The following JAK2 variants were observed in gnomAD, a reference collection of about 807,000 sequenced individuals.
JAK2 encodes the protein tyrosine-protein kinase JAK2.
In JAK2, 86 loss-of-function variants were observed where a neutral mutation model predicts 139.3. The ratio of observed to expected loss-of-function variants is 0.62; its 90% confidence interval spans 0.52 to 0.74. The LOEUF (loss-of-function observed/expected upper bound fraction) is 0.74, where lower values mean the gene tolerates loss of function less well. JAK2 is among the 30% of genes least tolerant of loss of function. The pLI, the probability that JAK2 is intolerant of heterozygous loss-of-function variation, is 0.00. For missense variants in JAK2, 1,421 were observed against 1,360.3 expected (o/e 1.04, Z -0.70); for synonymous variants, 490 against 437.7 (o/e 1.12, Z -1.49).
intron 2 of JAK2, among the ~76,000 whole-genome samples, chr9:5,006,964 T>C (rs971542777): frequency 2.0e-5 from 3 of 152,232 alleles, no homozygotes; most frequent in Non-Finnish European, 2.9e-5. Context: ...TTGTAAGCTC[T>C]GGTAATAATG....
chr9:4,991,056 C>T (rs765913818), intron 2 of JAK2, among the ~76,000 whole-genome samples: 17 of 152,086 alleles, frequency 1.1e-4, no homozygotes, highest in South Asian at 2.1e-4. Context: ...TTAGACAAGC[C>T]ATCTCTGGGT....
Position 5,077,946 on chromosome 9 carries a change from G to A in JAK2, c.1993-360G>A, listed in dbSNP as rs1586748571. Among the ~76,000 whole-genome samples, 3 of 152,046 alleles carry A rather than the reference G, an allele frequency of 2.0e-5. No individual in the cohort carries two copies. The South Asian group carries it at 6.2e-4, about 32-fold the overall frequency. Reference sequence around the variant, plus strand: ...GTGTTGACAGAGAAGAATACCAGGGGGACTGCCAGTCATCAGACCCCTCAG... The same window carrying A: ...GTGTTGACAGAGAAGAATACCAGGGAGACTGCCAGTCATCAGACCCCTCAG... On this transcript the variant is annotated intron_variant, in intron 15 of 24. Coordinates refer to ENST00000381652, the MANE Select transcript of JAK2 (RefSeq NM_004972.4).
intron 4 of JAK2, among the ~76,000 whole-genome samples, chr9:5,032,685 C>A (rs556234952): frequency 1.3e-5 from 2 of 152,284 alleles, no homozygotes; most frequent in African/African-American, 2.4e-5. Flanking sequence ...AGCAGAGGGT[C>A]CTGACTGTCA....
intron 2 of JAK2, among the ~76,000 whole-genome samples, chr9:4,987,173 GA>G (rs1414463107): frequency 6.6e-6 from 1 of 152,210 alleles, no homozygotes; most frequent in Non-Finnish European, 1.5e-5. Context: ...TTGCTGGCCA[GA>G]AGAGCACACC....
intron 2 of JAK2, among the ~76,000 whole-genome samples, chr9:5,008,827 C>T (rs370452919): frequency 1.3e-5 from 2 of 152,242 alleles, no homozygotes; most frequent in African/African-American, 4.8e-5. Context: ...TTCATTCGTC[C>T]TCCATCTAGA....
chr9:5,095,621 G>C (rs1464081912), intron 22 of JAK2, among the ~76,000 whole-genome samples: 1 of 152,152 alleles, frequency 6.6e-6, no homozygotes, highest in South Asian at 2.1e-4. Context: ...CTCCTCACAT[G>C]ACAAAAACTA....
chr9:5,034,088 A>G lies in JAK2; in HGVS notation c.350+4182A>G, dbSNP rs1165713670. Among the ~76,000 whole-genome samples the G allele has an allele frequency of 2.6e-5, 4 of 152,238 alleles. No homozygotes were observed. The East Asian group carries it at 7.7e-4, about 29-fold the overall frequency. Reference sequence around the variant, plus strand: ...AAAACAAAAAAAGGCAGGGATTGCAATCCTAGTCTCGGATAAAACAGACTT... The same window carrying G: ...AAAACAAAAAAAGGCAGGGATTGCAGTCCTAGTCTCGGATAAAACAGACTT... On this transcript the variant is annotated intron_variant, in intron 4 of 24. Coordinates refer to ENST00000381652, the MANE Select transcript of JAK2 (RefSeq NM_004972.4).
At chr9:5,108,693 G>C (rs181059112) in intron 22 of JAK2, 3 of 151,864 alleles carry the variant, frequency 2.0e-5, no homozygotes, top group Admixed American at 1.3e-4. Context: ...AGAATATATA[G>C]CCTACCCCTT....
chr9:5,046,352 C>T (rs1263826427), intron 5 of JAK2, among the ~76,000 whole-genome samples: 1 of 152,076 alleles, frequency 6.6e-6, no homozygotes, highest in Non-Finnish European at 1.5e-5. Context: ...TTCCCATTCT[C>T]TAGGTTGCCT....
intron 22 of JAK2, chr9:5,108,758 C>T (rs1210280261): frequency 6.6e-6 from 1 of 151,982 alleles, no homozygotes; most frequent in Non-Finnish European, 1.5e-5. Flanking sequence ...GTCTACAAAC[C>T]GATGTAAAAT....
intron 2 of JAK2, among the ~76,000 whole-genome samples, chr9:4,999,333 T>C (rs1038336704): frequency 2.0e-5 from 3 of 152,238 alleles, no homozygotes; most frequent in Non-Finnish European, 4.4e-5. Flanking sequence ...CTTATTTGCA[T>C]GTATTTTATA....
chr9:5,037,151 A>T (rs1176740144), intron 4 of JAK2, among the ~76,000 whole-genome samples: 2 of 152,220 alleles, frequency 1.3e-5, no homozygotes, highest in African/African-American at 4.8e-5. Flanking sequence ...TCAAAACCAC[A>T]AAGAGATACC....
chr9:5,055,076 A>AT (rs985946896), intron 7 of JAK2, among the ~76,000 whole-genome samples, 192 bp downstream of exon 7: 66 of 152,014 alleles, frequency 4.3e-4, no homozygotes, highest in African/African-American at 1.5e-3. Flanking sequence ...TTTTCATTTA[A>AT]TTTTTTATGA....
intron 4 of JAK2, chr9:5,041,073 T>A: frequency 2.9e-6 from 2 of 690,754 alleles, no homozygotes; most frequent in Non-Finnish European, 5.2e-6. Flanking sequence ...CCCTCAGGTC[T>A]ACTACCTACT....
intron 8 of JAK2, among the ~76,000 whole-genome samples, chr9:5,058,226 C>T (rs575851290): frequency 7.2e-5 from 11 of 152,164 alleles, no homozygotes; most frequent in Non-Finnish European, 2.9e-5. Context: ...CGTTCTCACA[C>T]TGCTATAAAG....
intron 22 of JAK2, among the ~76,000 whole-genome samples, chr9:5,103,660 C>G (rs1163429388): frequency 6.6e-6 from 1 of 151,962 alleles, no homozygotes; most frequent in African/African-American, 2.4e-5. Context: ...AAATAGACCA[C>G]ATAGAAGTAA....
chr9:5,031,131 G>C (rs533412404), intron 4 of JAK2, among the ~76,000 whole-genome samples: 1 of 152,246 alleles, frequency 6.6e-6, no homozygotes, highest in South Asian at 2.1e-4. Context: ...ATATTACAAA[G>C]ATCAATTTCT....
At chr9:5,052,465 C>T (rs1436081364) in intron 6 of JAK2, among the ~76,000 whole-genome samples, 1 of 151,438 alleles carries the variant, frequency 6.6e-6, no homozygotes, top group East Asian at 1.9e-4. Flanking sequence ...ATATAAGATT[C>T]CATGATATTT....
At chr9:5,111,654 T>C in intron 22 of JAK2, 1 of 394,570 alleles carries the variant, frequency 2.5e-6, no homozygotes, top group East Asian at 7.0e-5. Context: ...CCCTCGTCCC[T>C]CCCGCCCAGC....
Sources: allele counts gnomAD v4.1 joint callset (sites outside exome capture counted in the v4.1 genomes callset), GRCh38; gene constraint gnomAD v4.1.1; transcripts MANE v1.5; gene names NCBI Gene and HGNC (gene_info 2026-07-23, HGNC 2026-07-21).